OSBPL1A: variants seen among roughly 807,000 people sequenced by gnomAD.
The protein encoded by OSBPL1A is oxysterol-binding protein-related protein 1.
OSBPL1A carries 80 observed loss-of-function variants against 137.1 expected under a neutral mutation model. The observed-to-expected ratio is 0.58, with a 90% CI of 0.49 to 0.70. The LOEUF is 0.70. Among genes scored for constraint, OSBPL1A ranks in the 30% least tolerant of loss-of-function variants. The probability of loss-of-function intolerance (pLI) is 0.00; values close to 1 mark genes in which losing one functional copy is unlikely to be tolerated. For synonymous variants in OSBPL1A, 365 were observed against 389.7 expected, an observed-to-expected ratio of 0.94 and a Z score of 0.75; for missense variants, 970 against 1,129.4, an observed-to-expected ratio of 0.86 and a Z score of 2.02.
chr18:24,333,552 C>T (rs2091122751), intron 6 of OSBPL1A, among the ~76,000 whole-genome samples: 1 of 152,214 alleles, frequency 6.6e-6, no homozygotes, highest in Non-Finnish European at 1.5e-5. Context: ...TATATAGCCT[C>T]CATTTCACAA....
At chr18:24,283,264 C>CAAAA (rs67218844) in intron 14 of OSBPL1A, among the ~76,000 whole-genome samples, 3,432 of 30,344 alleles carry the variant, frequency 0.11, 265 homozygotes, top group Middle Eastern at 0.17. Context: ...GACTCCATCT[C>CAAAA]AAAAAAAAAA....
chr18:24,343,487 A>G (rs965399901), intron 4 of OSBPL1A, among the ~76,000 whole-genome samples: 13 of 152,168 alleles, frequency 8.5e-5, no homozygotes, highest in Non-Finnish European at 1.8e-4. Flanking sequence ...TAAAATTCAC[A>G]TGGAATTTCA....
intron 7 of OSBPL1A, among the ~76,000 whole-genome samples, chr18:24,329,854 CT>C (rs1275968186): frequency 6.6e-6 from 1 of 152,106 alleles, no homozygotes; most frequent in Non-Finnish European, 1.5e-5. Context: ...CTATGGTAAG[CT>C]CATTTTTTAG....
chr18:24,361,826 G>T (rs2091624617), intron 4 of OSBPL1A, among the ~76,000 whole-genome samples: 1 of 151,908 alleles, frequency 6.6e-6, no homozygotes, highest in Non-Finnish European at 1.5e-5. Flanking sequence ...AACCAACATG[G>T]TGAAACCCTG....
chr18:24,346,486 A>T (rs1355054375), intron 4 of OSBPL1A, among the ~76,000 whole-genome samples: 1 of 152,058 alleles, frequency 6.6e-6, no homozygotes, highest in Non-Finnish European at 1.5e-5. Flanking sequence ...CCTCCTCATA[A>T]TCCCCTAGTA....
chr18:24,195,917 T>TG (rs1319882001), intron 18 of OSBPL1A: 1 of 510,178 alleles, frequency 2.0e-6, no homozygotes, highest in Non-Finnish European at 3.5e-6. Context: ...GTTTTTTTTT[T>TG]TACATCAAAA....
intron 5 of OSBPL1A, among the ~76,000 whole-genome samples, chr18:24,337,042 G>A (rs777830081): frequency 3.3e-5 from 5 of 152,162 alleles, no homozygotes; most frequent in Non-Finnish European, 5.9e-5. Flanking sequence ...GAAACAAAGT[G>A]ACATTATGTG....
intron 18 of OSBPL1A, among the ~76,000 whole-genome samples, chr18:24,187,462 A>G (rs1360278869): frequency 6.6e-6 from 1 of 152,170 alleles, no homozygotes; most frequent in South Asian, 2.1e-4. Context: ...AACTTCCTGC[A>G]TTCAAATCCT....
intron 26 of OSBPL1A, 91 bp downstream of exon 26, chr18:24,166,487 AC>A: frequency 6.9e-7 from 1 of 1,448,680 alleles, no homozygotes; most frequent in Non-Finnish European, 9.2e-7. Context: ...AAACGCTAGT[AC>A]CCCAATGATG....
chr18:24,315,412 T>C (rs1256971573), intron 11 of OSBPL1A, among the ~76,000 whole-genome samples: 1 of 151,516 alleles, frequency 6.6e-6, no homozygotes, highest in African/African-American at 2.4e-5. Flanking sequence ...ACACAACCTA[T>C]CTGAACTGAG....
intron 14 of OSBPL1A, among the ~76,000 whole-genome samples, chr18:24,298,163 T>C (rs544509384): frequency 6.6e-6 from 1 of 152,256 alleles, no homozygotes; most frequent in East Asian, 1.9e-4. Flanking sequence ...ACACATATCA[T>C]GGCAACATTA....
chr18:24,185,954 G>A (rs1439174447), intron 18 of OSBPL1A, among the ~76,000 whole-genome samples: 1 of 152,220 alleles, frequency 6.6e-6, no homozygotes, highest in Non-Finnish European at 1.5e-5. Context: ...TGTAGTCCCA[G>A]CTTCTTGGGA....
At chr18:24,320,157 T>A (rs1321231843) in intron 7 of OSBPL1A, among the ~76,000 whole-genome samples, 2 of 152,028 alleles carry the variant, frequency 1.3e-5, no homozygotes, top group East Asian at 1.9e-4. Flanking sequence ...ATCTGGTATG[T>A]GTTGGCAATT....
intron 21 of OSBPL1A, among the ~76,000 whole-genome samples, chr18:24,175,154 A>C (rs2086414116): frequency 7.1e-6 from 1 of 141,660 alleles, no homozygotes; most frequent in Non-Finnish European, 1.5e-5. Flanking sequence ...ATATATATAT[A>C]TGAAGTATCT....
intron 14 of OSBPL1A, among the ~76,000 whole-genome samples, chr18:24,285,040 A>G (rs2090041707): frequency 6.6e-6 from 1 of 152,160 alleles, no homozygotes; most frequent in African/African-American, 2.4e-5. Context: ...AGCCTGTGCG[A>G]CAGAGAAAGA....
chr18:24,208,628 A>C (rs914774076), intron 17 of OSBPL1A, among the ~76,000 whole-genome samples: 10 of 152,240 alleles, frequency 6.6e-5, no homozygotes, highest in African/African-American at 2.4e-4. Context: ...TACTTACTTA[A>C]TTAAACTCTT....
intron 17 of OSBPL1A, among the ~76,000 whole-genome samples, chr18:24,216,798 G>A (rs770102750): frequency 2.0e-5 from 3 of 151,734 alleles, no homozygotes; most frequent in Admixed American, 1.3e-4. Context: ...AGCTGTCTCC[G>A]AGGAATAAGA....
At chr18:24,321,619 A>G (rs1410769609) in intron 7 of OSBPL1A, 3 of 480,140 alleles carry the variant, frequency 6.2e-6, no homozygotes, top group East Asian at 1.2e-4. Flanking sequence ...CAATGGTTCT[A>G]TGAGGACGTG....
intron 17 of OSBPL1A, among the ~76,000 whole-genome samples, chr18:24,209,189 T>C (rs1051769797): frequency 2.6e-5 from 4 of 152,198 alleles, no homozygotes; most frequent in Admixed American, 1.3e-4. Context: ...GTGTATTTGA[T>C]AGAGGATTAG....
Sources: gnomAD v4.1 joint callset for allele counts (sites outside exome capture counted in the v4.1 genomes callset) on GRCh38, gnomAD v4.1.1 for gene constraint, MANE v1.5 for transcripts, NCBI Gene and HGNC (gene_info 2026-07-23, HGNC 2026-07-21) for gene names.